ATP11A: variants seen among roughly 807,000 people sequenced by gnomAD.
The protein encoded by ATP11A is phospholipid-transporting ATPase IH.
In ATP11A, 81 loss-of-function variants were observed where a neutral mutation model predicts 154.4. The ratio of observed to expected loss-of-function variants is 0.52; its 90% CI spans 0.44 to 0.63. The LOEUF (loss-of-function observed/expected upper bound fraction) is 0.63. Ranked by LOEUF, ATP11A falls within the 30% of genes least tolerant of loss-of-function variation. The probability of loss-of-function intolerance (pLI) is 0.00; values close to 1 mark genes in which losing one functional copy is unlikely to be tolerated. For synonymous variants in ATP11A, 623 were observed against 585.9 expected (o/e 1.06, Z -0.91); for missense variants, 1,316 against 1,474.3 (o/e 0.89, Z 1.76).
rs1477100956 is a variant in ATP11A at position 112,885,671 on chromosome 13, GCA to G, written c.*3812_*3813del. On this transcript the variant is annotated 3_prime_UTR_variant, in exon 30 of 30. Transcript: ENST00000375645. Reference sequence around the variant, plus strand: ...CTCCTGCAGGCGTGAATACACACATGCACACACATATACACACATGTGCCACA... The same window carrying G: ...CTCCTGCAGGCGTGAATACACACATGCACACATATACACACATGTGCCACA... The G allele has an allele frequency of 1.0e-4, 16 of 152,416 alleles. No homozygotes were observed. The highest frequency in any genetic ancestry group is 7.2e-4 in the Admixed American group (11 of 15,306). 9.4% of individuals were successfully genotyped at this position (152,416 alleles called of 1,614,324 possible).
chr13:112,785,231 C>T lies in ATP11A; in HGVS notation c.136C>T (p.Pro46Ser). Residue 46 changes from proline (P) to serine (S), a missense_variant, in exon 2 of 30, where the codon CCA becomes TCA. Pro to Ser is a moderately conservative substitution (Grantham distance 74). This residue lies in a region of ATP11A where 123 missense variants were observed against 113.7 expected (regional missense o/e 1.08). Coordinates refer to ENST00000375645, the MANE Select transcript of ATP11A (RefSeq NM_015205.3). This position sits in a 1 kb window ranked among gnomAD's most constrained non-coding sequence, Gnocchi z 4.8. Reference protein sequence around the residue: ...GAEAYIPQRYPDNRIVSSKYT... With the variant: ...GAEAYIPQRYSDNRIVSSKYT... ...AGAGGCCTACATCCCACAGAGATAC[C>T]CAGACAACAGGATCGTCTCGTCCAA... 6.4e-7 allele frequency: 1 copy of T among 1,556,244 alleles called. No individual in the cohort carries two copies. The highest frequency in any genetic ancestry group is 8.7e-7 in the Non-Finnish European group (1 of 1,152,528).
At position 112,832,949 on chromosome 13, in the gene ATP11A, G is replaced by A. The variant is rs148929902; in HGVS notation, c.1485G>A (p.Ser495=). 18 of 1,613,808 alleles carry A rather than the reference G, an allele frequency of 1.1e-5. No homozygotes were observed. The highest frequency in any genetic ancestry group is 7.7e-5 in the South Asian group (7 of 91,068). Residue 495 remains serine, a synonymous_variant, in exon 14 of 30, where the codon TCG becomes TCA. Coordinates refer to ENST00000375645, the MANE Select transcript of ATP11A (RefSeq NM_015205.3). ...ACAGCGTAGACGGCCCCAGGAAATC[G>A]CCGGACGGGGGGAAATCCTGTGTGT... The part of the protein sequence containing the change: ...DDDSVDGPRK[S]PDGGKSCVYI...
At chr13:112,708,772 A>G (rs1204360878) in intron 1 of ATP11A, among the ~76,000 whole-genome samples, 1 of 152,106 alleles carries the variant, frequency 6.6e-6, no homozygotes, top group Non-Finnish European at 1.5e-5. Context: ...CCCCTGCCCG[A>G]CAAGCCTGTA....
chr13:112,820,086 C>A, intron 8 of ATP11A, 136 bp downstream of exon 8: 1 of 818,698 alleles, frequency 1.2e-6, no homozygotes. Flanking sequence ...CCCACAGGGC[C>A]GGGCTCCACT....
At chr13:112,703,456 G>A (rs930357075) in intron 1 of ATP11A, 2 of 152,236 alleles carry the variant, frequency 1.3e-5, no homozygotes, top group Non-Finnish European at 1.5e-5. Flanking sequence ...CCTGGTGACC[G>A]AGGCACTATT....
At chr13:112,846,888 C>A (rs1488631274) in intron 17 of ATP11A, among the ~76,000 whole-genome samples, 1 of 152,154 alleles carries the variant, frequency 6.6e-6, no homozygotes, top group Non-Finnish European at 1.5e-5. Context: ...ACTGCCAGGC[C>A]CTGAGCGCTG....
chr13:112,713,800 A>T (rs1888047408), intron 1 of ATP11A, among the ~76,000 whole-genome samples: 1 of 152,076 alleles, frequency 6.6e-6, no homozygotes, highest in Non-Finnish European at 1.5e-5. Flanking sequence ...GAGGGGAAAA[A>T]GGCCGAGGAT....
Position 112,871,638 on chromosome 13 carries a change from A to C in ATP11A, c.2992-97A>C. 4 of 1,169,078 alleles carry C rather than the reference A, an allele frequency of 3.4e-6. 1 individual carries two copies. Among genetic ancestry groups the C allele is most frequent in the South Asian group, 2.5e-5 (2 of 80,644 alleles). 72.4% of individuals were successfully genotyped at this position (1,169,078 alleles called of 1,614,324 possible). ...TCTTTGGGGTTTGAAGTGTTGGCAC[A>C]CAAGAAAAATGAGGTGTATTTTCTA... On this transcript the variant is annotated intron_variant, in intron 25 of 29. Coordinates refer to ENST00000375645, the MANE Select transcript of ATP11A (RefSeq NM_015205.3).
chr13:112,776,741 C>T (rs1181380967), intron 1 of ATP11A, among the ~76,000 whole-genome samples: 1 of 152,194 alleles, frequency 6.6e-6, no homozygotes, highest in African/African-American at 2.4e-5. Context: ...GGACTACAGG[C>T]ATGTGCCACC....
chr13:112,810,463 AGT>A (rs1303273809), intron 4 of ATP11A, among the ~76,000 whole-genome samples, 154 bp from the exon 5 acceptor site: 1 of 152,234 alleles, frequency 6.6e-6, no homozygotes, highest in East Asian at 1.9e-4. Context: ...TGTCAAGGAT[AGT>A]GTGTGTAGTG....
chr13:112,712,533 T>C (rs1887881492), intron 1 of ATP11A, among the ~76,000 whole-genome samples: 1 of 152,184 alleles, frequency 6.6e-6, no homozygotes, highest in South Asian at 2.1e-4. Context: ...TGTCCTTGTC[T>C]AGGCCTCTGA....
At chr13:112,700,595 C>A (rs1886403450) in intron 1 of ATP11A, among the ~76,000 whole-genome samples, 1 of 152,260 alleles carries the variant, frequency 6.6e-6, no homozygotes, top group Non-Finnish European at 1.5e-5. Context: ...GTGGTCTGCA[C>A]CCTGTGAAGG....
chr13:112,767,848 C>A (rs571183841), intron 1 of ATP11A, among the ~76,000 whole-genome samples: 1 of 152,120 alleles, frequency 6.6e-6, no homozygotes, highest in Non-Finnish European at 1.5e-5. Flanking sequence ...GTCACCTGCT[C>A]GGTGGCAGTG....
chr13:112,858,122 G>C, intron 21 of ATP11A, 23 bp from the exon 22 acceptor site: 1 of 1,609,596 alleles, frequency 6.2e-7, no homozygotes, highest in Non-Finnish European at 8.5e-7. Context: ...CATTTCTTCA[G>C]CTCCTTCACC....
intron 1 of ATP11A, among the ~76,000 whole-genome samples, chr13:112,739,054 G>C (rs1891277848): frequency 6.6e-6 from 1 of 152,136 alleles, no homozygotes; most frequent in African/African-American, 2.4e-5. Context: ...TGGTGACCTT[G>C]GATTAGGCGA....
At chr13:112,849,076 GT>G (rs1316206341) in intron 17 of ATP11A, among the ~76,000 whole-genome samples, 1 of 151,890 alleles carries the variant, frequency 6.6e-6, no homozygotes, top group Non-Finnish European at 1.5e-5. Context: ...AAAGGTGCTG[GT>G]TTTTTTTCAG....
At chr13:112,726,173 G>A (rs1163624268) in intron 1 of ATP11A, among the ~76,000 whole-genome samples, 1 of 152,262 alleles carries the variant, frequency 6.6e-6, no homozygotes, top group South Asian at 2.1e-4. Flanking sequence ...AGGGGCCAGG[G>A]GGCACAGTGT....
At position 112,819,885 on chromosome 13, in the gene ATP11A, C is replaced by T; in HGVS notation, c.675-15C>T. 6.2e-7 allele frequency: 1 copy of T among 1,614,060 alleles called. No homozygotes were observed. Among genetic ancestry groups the T allele is most frequent in the Non-Finnish European group, 8.5e-7 (1 of 1,180,012 alleles). On this transcript the variant is annotated splice_polypyrimidine_tract_variant and intron_variant, in intron 7 of 29. Transcript: ENST00000375645. ...TGGGCGCGTCCGGTCAGTAACGTGG[C>T]TTTTCTGTCGCCAGGTTCGTGGGTC...
At chr13:112,833,077 C>T in intron 14 of ATP11A, 54 bp downstream of exon 14, 1 of 1,570,680 alleles carries the variant, frequency 6.4e-7, no homozygotes, top group South Asian at 1.2e-5. Flanking sequence ...TCAGCCCCTC[C>T]CCAGCCCCAG....
Sources: allele counts gnomAD v4.1 joint callset (sites outside exome capture counted in the v4.1 genomes callset), GRCh38; gene constraint gnomAD v4.1.1; regional missense constraint gnomAD v4.1.1; non-coding constraint Gnocchi (gnomAD v3.1); transcripts MANE v1.5; gene names NCBI Gene and HGNC (gene_info 2026-07-23, HGNC 2026-07-21).